The following MYRIP variants were observed in gnomAD, a reference collection of about 807,000 sequenced individuals.
The protein encoded by MYRIP is myosin VIIA and Rab interacting protein.
In MYRIP, 49 loss-of-function variants were observed where a neutral mutation model predicts 98.0. That is an observed-to-expected ratio of 0.50 (90% CI 0.40 to 0.63). The LOEUF (loss-of-function observed/expected upper bound fraction) is 0.63, where lower values mean the gene tolerates loss of function less well. Among genes scored for constraint, MYRIP ranks in the 30% least tolerant of loss-of-function variants. The probability of loss-of-function intolerance (pLI) is 0.00; values close to 1 mark genes in which losing one functional copy is unlikely to be tolerated. For missense variants in MYRIP, 1,004 were observed against 1,058.2 expected, an observed-to-expected ratio of 0.95 and a Z score of 0.71; for synonymous variants, 404 against 409.5, an observed-to-expected ratio of 0.99 and a Z score of 0.16.
chr3:39,823,632 T>C lies in MYRIP; in HGVS notation c.-31+13716T>C, dbSNP rs191919197. Among the ~76,000 whole-genome samples, 7 of 152,366 alleles carry C rather than the reference T, an allele frequency of 4.6e-5. No individual in the cohort carries two copies. The East Asian group carries it at 1.2e-3, about 25-fold the overall frequency. On this transcript the variant is annotated intron_variant, in intron 1 of 16. Transcript: ENST00000302541. ...ATGTTGAGCATTATAAATATATTTG[T>C]GGAACATTTACATATCTTCTTTTGA...
At chr3:40,219,048 A>G (rs560935900) in intron 11 of MYRIP, among the ~76,000 whole-genome samples, 1 of 152,308 alleles carries the variant, frequency 6.6e-6, no homozygotes, top group Non-Finnish European at 1.5e-5. Flanking sequence ...ACAATGGTAC[A>G]TTTAATATCA....
rs868852641 is a variant in MYRIP at position 40,040,629 on chromosome 3, A to C, written c.111-3421A>C. Among the ~76,000 whole-genome samples, 103 of 68,568 alleles carry C rather than the reference A, an allele frequency of 1.5e-3. 2 individuals carry two copies. Among genetic ancestry groups the C allele is most frequent in the African/African-American group, 5.5e-3 (94 of 17,042 alleles). The allele number at this position is 68,568 out of a possible 152,430, so 45.0% of individuals were successfully genotyped here. On this transcript the variant is annotated intron_variant, in intron 2 of 16. Coordinates refer to ENST00000302541, the MANE Select transcript of MYRIP (RefSeq NM_015460.4). ...ATTAAGAAAATGTGGCACATATACA[A>C]CATGGAATACTATGCAGCCATAAAA...
At chr3:40,087,966 G>T (rs372939094) in intron 3 of MYRIP, among the ~76,000 whole-genome samples, 2 of 152,166 alleles carry the variant, frequency 1.3e-5, no homozygotes, top group Non-Finnish European at 2.9e-5. Flanking sequence ...ACAGACAGGA[G>T]ACCCTATGCT....
chr3:39,851,796 C>T (rs1942137425), intron 1 of MYRIP, among the ~76,000 whole-genome samples: 1 of 152,024 alleles, frequency 6.6e-6, no homozygotes, highest in Non-Finnish European at 1.5e-5. Context: ...TCAGGAGAGG[C>T]AATGGTTCAA....
chr3:39,963,090 A>G (rs1407278480), intron 2 of MYRIP, among the ~76,000 whole-genome samples: 2 of 152,136 alleles, frequency 1.3e-5, no homozygotes, highest in Admixed American at 1.3e-4. Flanking sequence ...CAGAAAAGGC[A>G]CATACTTTGG....
At chr3:40,192,768 T>C (rs1271413736) in intron 10 of MYRIP, among the ~76,000 whole-genome samples, 1 of 152,136 alleles carries the variant, frequency 6.6e-6, no homozygotes, top group Non-Finnish European at 1.5e-5. Context: ...ACGCTGGGGA[T>C]AGCTCCTCAA....
intron 1 of MYRIP, among the ~76,000 whole-genome samples, chr3:39,896,887 A>G (rs901457621): frequency 1.3e-5 from 2 of 151,608 alleles, no homozygotes; most frequent in Non-Finnish European, 2.9e-5. Flanking sequence ...CAAGGGTTGT[A>G]TTAACCAGTA....
At chr3:40,138,722 T>C (rs1178947016) in intron 3 of MYRIP, among the ~76,000 whole-genome samples, 2 of 152,216 alleles carry the variant, frequency 1.3e-5, no homozygotes, top group Non-Finnish European at 2.9e-5. Context: ...TAGTGATATT[T>C]TGATACATAT....
intron 1 of MYRIP, among the ~76,000 whole-genome samples, chr3:39,854,545 G>A (rs191709542): frequency 6.6e-6 from 1 of 152,036 alleles, no homozygotes. Flanking sequence ...TCCATATCCT[G>A]TACTGTTTTT....
chr3:40,216,088 C>T (rs1254565986), intron 11 of MYRIP, among the ~76,000 whole-genome samples: 3 of 152,150 alleles, frequency 2.0e-5, no homozygotes, highest in African/African-American at 4.8e-5. Flanking sequence ...ATATCTTCCT[C>T]TTTAGGCAAA....
chr3:39,922,328 G>GA (rs906795774), intron 2 of MYRIP, among the ~76,000 whole-genome samples: 8 of 152,232 alleles, frequency 5.3e-5, no homozygotes, highest in Non-Finnish European at 1.2e-4. Flanking sequence ...AAACGACACA[G>GA]AAAAAAATCT....
At chr3:40,068,299 AG>A (rs1159460794) in intron 3 of MYRIP, among the ~76,000 whole-genome samples, 2 of 152,242 alleles carry the variant, frequency 1.3e-5, no homozygotes, top group African/African-American at 4.8e-5. Context: ...ACCAATGTCA[AG>A]TTCTCTCATT....
At chr3:40,063,293 T>G (rs1948056287) in intron 3 of MYRIP, among the ~76,000 whole-genome samples, 1 of 152,202 alleles carries the variant, frequency 6.6e-6, no homozygotes. Context: ...GTTGGAAATA[T>G]TTGTTTATGG....
At chr3:40,076,975 T>C (rs200100262) in intron 3 of MYRIP, among the ~76,000 whole-genome samples, 2 of 152,200 alleles carry the variant, frequency 1.3e-5, no homozygotes, top group Non-Finnish European at 1.5e-5. Context: ...CCATGTACTA[T>C]TGTGTCCAGA....
chr3:40,233,778 G>C, intron 11 of MYRIP, 81 bp from the exon 12 acceptor site: 1 of 1,303,728 alleles, frequency 7.7e-7, no homozygotes. Context: ...GATGATGAGT[G>C]TCATGATAAC....
intron 3 of MYRIP, among the ~76,000 whole-genome samples, chr3:40,051,124 A>G (rs1274765991): frequency 6.6e-6 from 1 of 152,202 alleles, no homozygotes; most frequent in Non-Finnish European, 1.5e-5. Flanking sequence ...GATTGACTTC[A>G]ACTTTGAAAA....
rs532529501 is a variant in MYRIP at position 39,837,392 on chromosome 3, A to G, written c.-31+27476A>G. ...TAATCCATCTTGAGTTAATTTTTGT[A>G]TAAGGTGTAAGGAAGGGGTCCAGTT... On this transcript the variant is annotated intron_variant, in intron 1 of 16. Coordinates refer to ENST00000302541, the MANE Select transcript of MYRIP (RefSeq NM_015460.4). 6.6e-5 allele frequency among the ~76,000 whole-genome samples: 10 copies of G among 152,254 alleles called. No homozygotes were observed. In the South Asian group the frequency reaches 2.1e-3, roughly 32 times the overall value.
intron 8 of MYRIP, among the ~76,000 whole-genome samples, chr3:40,172,157 G>A (rs776211521): frequency 6.6e-6 from 1 of 152,184 alleles, no homozygotes; most frequent in Non-Finnish European, 1.5e-5. Flanking sequence ...AGTGGTCTCC[G>A]CAGATACAGC....
At chr3:40,247,139 ATTATTCCCCCTTTATTGGATAG>A (rs1953231862) in intron 13 of MYRIP, among the ~76,000 whole-genome samples, 1 of 152,110 alleles carries the variant, frequency 6.6e-6, no homozygotes, top group African/African-American at 2.4e-5. Context: ...TTATTGGATA[ATTATTCCCCCTTTATTGGATAG>A]TTATTCCCCC....
Sources: gnomAD v4.1 joint callset for allele counts (sites outside exome capture counted in the v4.1 genomes callset) on GRCh38, gnomAD v4.1.1 for gene constraint, MANE v1.5 for transcripts, NCBI Gene and HGNC (gene_info 2026-07-23, HGNC 2026-07-21) for gene names.